ABCB5: variants seen among roughly 807,000 people sequenced by gnomAD.
ABCB5 encodes the protein ATP-binding cassette sub-family B member 5.
A neutral mutation model predicts 144.2 loss-of-function variants in ABCB5; 155 were observed. The ratio of observed to expected loss-of-function variants is 1.08; its 90% CI spans 0.94 to 1.23. The LOEUF is 1.23. ABCB5 is among the 50% of genes most tolerant of loss of function. ABCB5 has a pLI of 0.00. For missense variants in ABCB5, 1,830 were observed against 1,520.8 expected, an observed-to-expected ratio of 1.20 and a Z score of -3.38; for synonymous variants, 610 against 528.6, an observed-to-expected ratio of 1.15 and a Z score of -2.11.
At chr7:20,638,021 G>C (rs1268035491) in intron 5 of ABCB5, among the ~76,000 whole-genome samples, 1 of 152,172 alleles carries the variant, frequency 6.6e-6, no homozygotes, top group Non-Finnish European at 1.5e-5. Context: ...TTGGGAGTCT[G>C]ATTACTAGAT....
At chr7:20,717,859 A>C (rs1010451735) in intron 20 of ABCB5, among the ~76,000 whole-genome samples, 5 of 139,622 alleles carry the variant, frequency 3.6e-5, no homozygotes, top group African/African-American at 1.3e-4. Context: ...TTATCTCCAA[A>C]TACGGTAACA....
chr7:20,651,517 C>T lies in ABCB5; in HGVS notation c.1430C>T (p.Thr477Ile), dbSNP rs749017583. 6.2e-6 allele frequency: 10 copies of T among 1,613,946 alleles called. No individual in the cohort carries two copies. Among genetic ancestry groups the T allele is most frequent in the South Asian group, 1.1e-5 (1 of 91,074 alleles). Residue 477 changes from threonine (T) to isoleucine (I), a missense_variant, in exon 13 of 28, where the codon ACC (threonine) becomes ATC (isoleucine). Thr to Ile is a moderately conservative substitution (Grantham distance 89). Coordinates refer to ENST00000404938, the MANE Select transcript of ABCB5 (RefSeq NM_001163941.2). Reference sequence around the variant, plus strand: ...CAAGAGCCTGTTTTGTTCGGGACCACCATCAGTAACAATATCAAGTATGGA... The same window carrying T: ...CAAGAGCCTGTTTTGTTCGGGACCATCATCAGTAACAATATCAAGTATGGA... ...VSQEPVLFGT[T>I]ISNNIKYGRD...
At chr7:20,659,717 A>G in intron 14 of ABCB5, 1 of 986,480 alleles carries the variant, frequency 1.0e-6, no homozygotes, top group Admixed American at 6.1e-5. Context: ...AGGGATCTGT[A>G]TTTAGACTAT....
At chr7:20,637,591 T>A (rs1337755797) in intron 5 of ABCB5, among the ~76,000 whole-genome samples, 2 of 152,114 alleles carry the variant, frequency 1.3e-5, no homozygotes, top group African/African-American at 4.8e-5. Context: ...TGGCTAATTT[T>A]GTATTTTTAG....
intron 11 of ABCB5, among the ~76,000 whole-genome samples, chr7:20,649,588 T>C (rs192370464): frequency 5.9e-5 from 9 of 152,342 alleles, no homozygotes; most frequent in South Asian, 4.1e-4. Context: ...TAAGAAACTT[T>C]GCCAGCTGTT....
chr7:20,645,284 T>C (rs1231810487), intron 7 of ABCB5, among the ~76,000 whole-genome samples: 3 of 152,180 alleles, frequency 2.0e-5, no homozygotes, highest in Non-Finnish European at 4.4e-5. Context: ...ATTCAGAAAA[T>C]AATGAGTATT....
At chr7:20,626,638 T>C (rs1213478592) in intron 3 of ABCB5, 27 bp downstream of exon 3, 5 of 1,579,770 alleles carry the variant, frequency 3.2e-6, no homozygotes, top group Admixed American at 1.8e-5. Flanking sequence ...AGAAAGTACA[T>C]GCATTAGAAG....
chr7:20,734,124 G>C (rs113800362), intron 23 of ABCB5, among the ~76,000 whole-genome samples: 24 of 152,120 alleles, frequency 1.6e-4, no homozygotes, highest in Middle Eastern at 3.4e-3. Context: ...ACACCAAAGA[G>C]GATTTGGTCC....
intron 1 of ABCB5, among the ~76,000 whole-genome samples, chr7:20,617,945 A>G (rs1050437044): frequency 1.3e-5 from 2 of 152,214 alleles, no homozygotes; most frequent in Non-Finnish European, 2.9e-5. Flanking sequence ...GCCACAAAAT[A>G]TCACAGCTCC....
intron 14 of ABCB5, among the ~76,000 whole-genome samples, chr7:20,671,285 G>A (rs924918657): frequency 5.9e-5 from 9 of 152,188 alleles, no homozygotes; most frequent in South Asian, 2.1e-4. Context: ...GCTGCTGAAT[G>A]TATTTGCTTC....
At chr7:20,708,203 C>A (rs1786887418) in intron 20 of ABCB5, among the ~76,000 whole-genome samples, 1 of 152,140 alleles carries the variant, frequency 6.6e-6, no homozygotes, top group African/African-American at 2.4e-5. Flanking sequence ...AATGACTTTT[C>A]CACAGCATAA....
intron 24 of ABCB5, among the ~76,000 whole-genome samples, chr7:20,742,084 A>G (rs549186700): frequency 6.6e-5 from 10 of 152,204 alleles, no homozygotes; most frequent in Non-Finnish European, 1.3e-4. Flanking sequence ...AATTGAAAAT[A>G]AAGATAGGGC....
intron 14 of ABCB5, chr7:20,658,955 C>A: frequency 7.9e-7 from 1 of 1,264,614 alleles, no homozygotes; most frequent in Non-Finnish European, 1.2e-6. Flanking sequence ...TTGCACTTTC[C>A]ACCTCCCTAG....
At chr7:20,723,409 T>C (rs1781937441) in intron 21 of ABCB5, among the ~76,000 whole-genome samples, 190 bp downstream of exon 21, 1 of 152,204 alleles carries the variant, frequency 6.6e-6, no homozygotes, top group Admixed American at 6.5e-5. Context: ...GGTAGATATG[T>C]TATAGCAATA....
intron 20 of ABCB5, among the ~76,000 whole-genome samples, chr7:20,706,692 C>T (rs908185779): frequency 6.6e-6 from 1 of 151,892 alleles, no homozygotes; most frequent in African/African-American, 2.4e-5. Flanking sequence ...TTAAAGTTGC[C>T]AAATTTAAAA....
At chr7:20,689,408 C>T (rs1318537402) in intron 16 of ABCB5, among the ~76,000 whole-genome samples, 1 of 152,146 alleles carries the variant, frequency 6.6e-6, no homozygotes, top group Non-Finnish European at 1.5e-5. Flanking sequence ...AGCTTCAGAA[C>T]CTGTCAGGTG....
In ABCB5 at chr7:20,730,834, G is replaced by A. The variant is rs569428133; in HGVS notation, c.2867+2379G>A. Among the ~76,000 whole-genome samples the A allele has an allele frequency of 3.9e-5, 6 of 152,248 alleles. No homozygotes were observed. The South Asian group carries it at 8.3e-4, about 21-fold the overall frequency. On this transcript the variant is annotated intron_variant, in intron 23 of 27. Transcript: ENST00000404938. ...GCCAATAGTTTGAAACTCAAAACATGTTTTCCTCATGTTGCTCTAAACTTT... is the reference window on the plus strand; with the variant it reads ...GCCAATAGTTTGAAACTCAAAACATATTTTCCTCATGTTGCTCTAAACTTT...
chr7:20,691,907 AG>A (rs1786244505), intron 16 of ABCB5, among the ~76,000 whole-genome samples: 1 of 152,092 alleles, frequency 6.6e-6, no homozygotes, highest in Non-Finnish European at 1.5e-5. Flanking sequence ...TCACCAGGCA[AG>A]CAAAAAAGGA....
rs150271464 is a variant in ABCB5 at position 20,732,772 on chromosome 7, T to G, written c.2867+4317T>G. Among the ~76,000 whole-genome samples, 982 of 152,304 alleles carry G rather than the reference T, an allele frequency of 6.4e-3. 9 individuals carry two copies. The highest frequency in any genetic ancestry group is 0.022 in the African/African-American group (929 of 41,548). ...AATATGATGTGTGGAATTGAGAATT[T>G]ACCTGTACCTACTGAGATTTGTTTA... On this transcript the variant is annotated intron_variant, in intron 23 of 27. Transcript: ENST00000404938.
Sources: allele counts gnomAD v4.1 joint callset (sites outside exome capture counted in the v4.1 genomes callset), GRCh38; gene constraint gnomAD v4.1.1; transcripts MANE v1.5; gene names NCBI Gene and HGNC (gene_info 2026-07-23, HGNC 2026-07-21).